PCDH7: variants seen among roughly 807,000 people sequenced by gnomAD.
PCDH7 encodes the protein protocadherin 7, also known as protocadherin-7.
A neutral mutation model predicts 58.9 loss-of-function variants in PCDH7; 17 were observed. That is an observed-to-expected ratio of 0.29 (90% CI 0.20 to 0.43). The LOEUF is 0.43. PCDH7 is among the 20% of genes least tolerant of loss of function. The probability of loss-of-function intolerance (pLI) is 1.00; values close to 1 mark genes in which losing one functional copy is unlikely to be tolerated. For missense variants in PCDH7, 1,274 were observed against 1,441.0 expected, an observed-to-expected ratio of 0.88 and a Z score of 1.88; for synonymous variants, 664 against 616.4, an observed-to-expected ratio of 1.08 and a Z score of -1.14.
At chr4:31,144,613 C>T (rs1033493291), downstream of PCDH7, 1 of 152,150 alleles carries the variant, frequency 6.6e-6, no homozygotes, top group Admixed American at 6.6e-5. Flanking sequence ...ATTTCTTAGA[C>T]TATAAAGTGA....
intron 1 of PCDH7, among the ~76,000 whole-genome samples, chr4:30,880,506 C>T (rs1474721310): frequency 6.6e-6 from 1 of 152,098 alleles, no homozygotes; most frequent in Non-Finnish European, 1.5e-5. Flanking sequence ...AATATAAACA[C>T]CTCTGCACTG....
intron 1 of PCDH7, among the ~76,000 whole-genome samples, chr4:30,881,344 TCAAAA>T (rs530609732): frequency 1.4e-4 from 22 of 151,824 alleles, no homozygotes; most frequent in Non-Finnish European, 2.9e-4. Context: ...AGACTCCATC[TCAAAA>T]CAAAACAAAA....
At chr4:30,798,953 A>G (rs918870702) in intron 1 of PCDH7, among the ~76,000 whole-genome samples, 5 of 152,224 alleles carry the variant, frequency 3.3e-5, no homozygotes, top group Non-Finnish European at 7.3e-5. Flanking sequence ...AATATGAGTT[A>G]CACAGTTCTG....
chr4:31,140,065 G>A (rs1002821296), intron 3 of PCDH7, among the ~76,000 whole-genome samples: 5 of 152,148 alleles, frequency 3.3e-5, no homozygotes, highest in Non-Finnish European at 7.4e-5. Flanking sequence ...AAGAACTGAA[G>A]AGCATCTCAC....
At chr4:31,044,388 T>G (rs1476184638) in intron 3 of PCDH7, among the ~76,000 whole-genome samples, 2 of 152,114 alleles carry the variant, frequency 1.3e-5, no homozygotes, top group Non-Finnish European at 2.9e-5. Flanking sequence ...CCCATATTTC[T>G]TTAAGCATAA....
In PCDH7 at chr4:31,142,881, A is replaced by G. The variant is rs1479032280; in HGVS notation, c.*416A>G. 4 of 1,327,492 alleles carry G rather than the reference A, an allele frequency of 3.0e-6. No individual in the cohort carries two copies. The East Asian group carries it at 1.4e-4, about 46-fold the overall frequency. 82.2% of individuals were successfully genotyped at this position (1,327,492 alleles called of 1,614,324 possible). On this transcript the variant is annotated 3_prime_UTR_variant, in exon 4 of 4. Transcript: ENST00000509759. ...AAGGAGCAACAGCAAAGTTCTTTAC[A>G]TGTATGAAAAGGAGAATAAGGGGCA...
rs1578550881 is a variant in PCDH7 at position 31,009,149 on chromosome 4, A to G, written c.*7+58934A>G. ...AATTAAAATGTAAAATAATATTAACATGGAAATATTGTGTAATGTTTTATT... is the reference window on the plus strand; with the variant it reads ...AATTAAAATGTAAAATAATATTAACGTGGAAATATTGTGTAATGTTTTATT... On this transcript the variant is annotated intron_variant, in intron 3 of 3. Coordinates refer to the PCDH7 transcript ENST00000509759. Among the ~76,000 whole-genome samples, 6 of 152,258 alleles carry G rather than the reference A, an allele frequency of 3.9e-5. No homozygotes were observed. The South Asian group carries it at 1.2e-3, about 32-fold the overall frequency.
At chr4:30,931,996 T>G (rs1331139546) in intron 2 of PCDH7, among the ~76,000 whole-genome samples, 1 of 152,166 alleles carries the variant, frequency 6.6e-6, no homozygotes, top group South Asian at 2.1e-4. Flanking sequence ...TTTGACCATT[T>G]TACTTACTTA....
intron 1 of PCDH7, among the ~76,000 whole-genome samples, chr4:30,781,816 G>A (rs1192074708): frequency 2.6e-5 from 4 of 152,092 alleles, no homozygotes; most frequent in African/African-American, 7.2e-5. Flanking sequence ...GATTACAAGC[G>A]TGAGCCACCA....
At chr4:30,878,208 T>C (rs1276186851) in intron 1 of PCDH7, among the ~76,000 whole-genome samples, 1 of 152,132 alleles carries the variant, frequency 6.6e-6, no homozygotes. Flanking sequence ...TCCTTCTGTC[T>C]TAATGCTTCA....
At chr4:30,837,621 A>G (rs1386653986) in intron 1 of PCDH7, among the ~76,000 whole-genome samples, 1 of 151,936 alleles carries the variant, frequency 6.6e-6, no homozygotes, top group Non-Finnish European at 1.5e-5. Flanking sequence ...TGTCTGTTTC[A>G]TTTGTTTTTG....
At chr4:30,837,416 G>A (rs2109335564) in intron 1 of PCDH7, among the ~76,000 whole-genome samples, 1 of 151,660 alleles carries the variant, frequency 6.6e-6, no homozygotes, top group Middle Eastern at 3.4e-3. Context: ...CTTTTCTGCA[G>A]CATTCCAGAG....
chr4:30,769,646 T>A (rs1001546362), intron 1 of PCDH7, among the ~76,000 whole-genome samples: 2 of 152,206 alleles, frequency 1.3e-5, no homozygotes, highest in South Asian at 2.1e-4. Flanking sequence ...AGGATCTTAA[T>A]GCATTAAGAT....
intron 1 of PCDH7, among the ~76,000 whole-genome samples, chr4:30,881,279 G>A (rs1022748440): frequency 2.0e-5 from 3 of 151,942 alleles, no homozygotes; most frequent in Admixed American, 6.6e-5. Flanking sequence ...TTGAACCCAG[G>A]AGGCTGCAGT....
chr4:30,864,457 A>C (rs926637980), intron 1 of PCDH7, among the ~76,000 whole-genome samples: 1 of 150,886 alleles, frequency 6.6e-6, no homozygotes, highest in African/African-American at 2.4e-5. Flanking sequence ...ACACACACAC[A>C]CACACACACA....
intron 2 of PCDH7, among the ~76,000 whole-genome samples, chr4:30,926,628 G>C (rs1483567381): frequency 6.6e-6 from 1 of 151,920 alleles, no homozygotes; most frequent in African/African-American, 2.4e-5. Flanking sequence ...TTTTTCTTTT[G>C]TTTCGAGTAC....
At chr4:31,023,558 G>C (rs1445491197) in intron 3 of PCDH7, among the ~76,000 whole-genome samples, 1 of 152,062 alleles carries the variant, frequency 6.6e-6, no homozygotes, top group Non-Finnish European at 1.5e-5. Flanking sequence ...CTATTGTTAG[G>C]AGTAAGCAAA....
chr4:31,018,434 A>G (rs1017890734), intron 3 of PCDH7, among the ~76,000 whole-genome samples: 9 of 152,120 alleles, frequency 5.9e-5, no homozygotes, highest in African/African-American at 1.7e-4. Flanking sequence ...TTAAACTTCA[A>G]TTTACCTGGC....
At chr4:31,004,147 G>A (rs1194171745) in intron 3 of PCDH7, among the ~76,000 whole-genome samples, 1 of 152,014 alleles carries the variant, frequency 6.6e-6, no homozygotes, top group African/African-American at 2.4e-5. Context: ...AAGTCCCATT[G>A]ATAAAAAACT....
Sources: gnomAD v4.1 joint callset for allele counts (sites outside exome capture counted in the v4.1 genomes callset) on GRCh38, gnomAD v4.1.1 for gene constraint, MANE v1.5 for transcripts, NCBI Gene and HGNC (gene_info 2026-07-23, HGNC 2026-07-21) for gene names.